PPP2R2B: variants seen among roughly 807,000 people sequenced by gnomAD.
The protein encoded by PPP2R2B is protein phosphatase 2 regulatory subunit Bbeta, also known as serine/threonine-protein phosphatase 2A 55 kDa regulatory subunit B beta isoform.
A neutral mutation model predicts 46.0 loss-of-function variants in PPP2R2B; 5 were observed. The observed-to-expected ratio is 0.11, with a 90% confidence interval of 0.06 to 0.23. The LOEUF is 0.23. Among genes scored for constraint, PPP2R2B ranks in the 10% least tolerant of loss-of-function variants. The probability of loss-of-function intolerance (pLI) is 1.00; values close to 1 mark genes in which losing one functional copy is unlikely to be tolerated. For synonymous variants in PPP2R2B, 215 were observed against 206.7 expected, an observed-to-expected ratio of 1.04 and a Z score of -0.34; for missense variants, 367 against 575.0, an observed-to-expected ratio of 0.64 and a Z score of 3.70.
chr5:146,925,026 C>G (rs147859251), intron 1 of PPP2R2B, among the ~76,000 whole-genome samples: 1 of 152,084 alleles, frequency 6.6e-6, no homozygotes, highest in Non-Finnish European at 1.5e-5. Context: ...CCAGAAAATA[C>G]AAGAAGTTTG....
At chr5:146,789,028 G>A (rs1756025599) in intron 2 of PPP2R2B, among the ~76,000 whole-genome samples, 1 of 152,172 alleles carries the variant, frequency 6.6e-6, no homozygotes. Flanking sequence ...TAACATCTAT[G>A]CAGTGATTTA....
rs573180352 is a variant in PPP2R2B at position 146,912,710 on chromosome 5, T to C, written c.79+142955A>G. Among the ~76,000 whole-genome samples, 6 of 152,022 alleles carry C rather than the reference T, an allele frequency of 3.9e-5. No homozygotes were observed. In the South Asian group the frequency reaches 1.3e-3, roughly 32 times the overall value. ...TTTTAGTAGAGACGGGGTTTCACAA[T>C]ATTGGTCAGGCTGGTCTTGAACTCC... On this transcript the variant is annotated intron_variant, in intron 1 of 8. Coordinates refer to the PPP2R2B transcript ENST00000336640.
intron 5 of PPP2R2B, among the ~76,000 whole-genome samples, chr5:146,676,100 C>T (rs1480971004): frequency 6.6e-6 from 1 of 152,032 alleles, no homozygotes; most frequent in East Asian, 1.9e-4. Flanking sequence ...ACAATGGCAG[C>T]TGGGGGCTAG....
intron 7 of PPP2R2B, among the ~76,000 whole-genome samples, chr5:146,635,777 C>T (rs1272058266): frequency 1.3e-5 from 2 of 152,178 alleles, no homozygotes; most frequent in Non-Finnish European, 2.9e-5. Flanking sequence ...TTATTTATGT[C>T]AACCCTTAGG....
chr5:146,656,711 T>C (rs901561719), intron 5 of PPP2R2B: 6 of 152,464 alleles, frequency 3.9e-5, no homozygotes, highest in African/African-American at 1.4e-4. Flanking sequence ...AGAGCTTTTA[T>C]GGCTGGAGAG....
At chr5:146,874,336 G>A (rs1289802838) in intron 2 of PPP2R2B, among the ~76,000 whole-genome samples, 2 of 152,178 alleles carry the variant, frequency 1.3e-5, no homozygotes, top group African/African-American at 2.4e-5. Context: ...TAATTGAAAG[G>A]AGCTACTTGG....
chr5:147,027,751 T>C (rs1165061316), intron 1 of PPP2R2B, among the ~76,000 whole-genome samples: 1 of 152,200 alleles, frequency 6.6e-6, no homozygotes, highest in East Asian at 1.9e-4. Flanking sequence ...TGATGATCAA[T>C]GGGAGTATAT....
chr5:147,014,653 G>A (rs1405484501), intron 1 of PPP2R2B, among the ~76,000 whole-genome samples: 8 of 149,618 alleles, frequency 5.3e-5, no homozygotes, highest in South Asian at 2.1e-4. Flanking sequence ...ACCAAACACC[G>A]CATATTCTCA....
chr5:146,886,819 T>A (rs1194847682), intron 1 of PPP2R2B, among the ~76,000 whole-genome samples: 1 of 143,822 alleles, frequency 7.0e-6, no homozygotes, highest in African/African-American at 2.5e-5. Flanking sequence ...CATTTTAAAC[T>A]TTTTTAGTAA....
At chr5:146,834,401 A>T (rs1759147450) in intron 2 of PPP2R2B, among the ~76,000 whole-genome samples, 1 of 152,098 alleles carries the variant, frequency 6.6e-6, no homozygotes, top group African/African-American at 2.4e-5. Context: ...AGTCTTAAAC[A>T]CTCCTTTACA....
intron 2 of PPP2R2B, among the ~76,000 whole-genome samples, chr5:146,863,637 CATCT>C (rs890870640): frequency 4.1e-5 from 6 of 147,114 alleles, no homozygotes; most frequent in African/African-American, 1.3e-4. Context: ...CCCATCCATC[CATCT>C]ATCCATCCAT....
At chr5:146,886,340 A>AAAATAAATAAAT (rs59329730) in intron 1 of PPP2R2B, among the ~76,000 whole-genome samples, 18,222 of 145,048 alleles carry the variant, frequency 0.13, 1,452 homozygotes, top group East Asian at 0.32. Context: ...CTCCGTCTCA[A>AAAATAAATAAAT]AAATAAATAA....
intron 2 of PPP2R2B, among the ~76,000 whole-genome samples, chr5:146,745,928 A>G (rs1263343476): frequency 6.6e-6 from 1 of 151,522 alleles, no homozygotes; most frequent in Non-Finnish European, 1.5e-5. Flanking sequence ...ACTGCACTCC[A>G]GCCTGGGCGA....
At chr5:146,601,729 A>T (rs1771802279) in intron 7 of PPP2R2B, among the ~76,000 whole-genome samples, 1 of 152,238 alleles carries the variant, frequency 6.6e-6, no homozygotes, top group Admixed American at 6.5e-5. Flanking sequence ...GTATAAACTT[A>T]ATGGGTACAA....
intron 1 of PPP2R2B, among the ~76,000 whole-genome samples, chr5:146,913,219 G>A (rs1438179787): frequency 6.6e-6 from 1 of 152,192 alleles, no homozygotes; most frequent in Non-Finnish European, 1.5e-5. Context: ...CCAAATAAAT[G>A]TTTGTCCTTG....
chr5:146,763,951 T>C (rs1350989604), intron 2 of PPP2R2B, among the ~76,000 whole-genome samples: 1 of 152,148 alleles, frequency 6.6e-6, no homozygotes, highest in Non-Finnish European at 1.5e-5. Flanking sequence ...AGTCTTGAAC[T>C]TCTGCCCTCA....
At chr5:146,603,833 A>T (rs1772010171) in intron 7 of PPP2R2B, among the ~76,000 whole-genome samples, 1 of 152,206 alleles carries the variant, frequency 6.6e-6, no homozygotes. Context: ...GAGAGGTTTT[A>T]TAACCAGTCC....
intron 1 of PPP2R2B, chr5:147,040,759 C>A (rs1053352704): frequency 8.9e-6 from 4 of 451,112 alleles, no homozygotes; most frequent in African/African-American, 8.1e-5. Flanking sequence ...GTCTTTTCAG[C>A]TCATTCTGTG....
At chr5:146,761,310 T>A (rs1754149504) in intron 2 of PPP2R2B, among the ~76,000 whole-genome samples, 1 of 152,156 alleles carries the variant, frequency 6.6e-6, no homozygotes, top group African/African-American at 2.4e-5. Context: ...GTGGCACATA[T>A]ACACCATGGA....
Sources: gnomAD v4.1 joint callset for allele counts (sites outside exome capture counted in the v4.1 genomes callset) on GRCh38, gnomAD v4.1.1 for gene constraint, MANE v1.5 for transcripts, NCBI Gene and HGNC (gene_info 2026-07-23, HGNC 2026-07-21) for gene names.